Variants in PAAF1 observed in about 807,000 individuals in gnomAD.
The protein encoded by PAAF1 is proteasomal ATPase-associated factor 1.
In PAAF1, 46 loss-of-function variants were observed where a neutral mutation model predicts 52.8. That is an observed-to-expected ratio of 0.87 (90% CI 0.69 to 1.11). The LOEUF (loss-of-function observed/expected upper bound fraction) is 1.11, where lower values mean the gene tolerates loss of function less well. Among genes scored for constraint, PAAF1 ranks in the 50% most tolerant of loss-of-function variants. PAAF1 has a pLI of 0.00. For synonymous variants in PAAF1, 178 were observed against 172.8 expected, an observed-to-expected ratio of 1.03 and a Z score of -0.24; for missense variants, 424 against 477.4, an observed-to-expected ratio of 0.89 and a Z score of 1.04.
chr11:73,892,385 A>G (rs995695507), intron 4 of PAAF1, among the ~76,000 whole-genome samples: 2 of 151,910 alleles, frequency 1.3e-5, no homozygotes, highest in Non-Finnish European at 2.9e-5. Context: ...ATTACAAAAC[A>G]GATATATACT....
intron 4 of PAAF1, among the ~76,000 whole-genome samples, chr11:73,895,963 A>T (rs1356811286): frequency 6.6e-6 from 1 of 152,230 alleles, no homozygotes; most frequent in African/African-American, 2.4e-5. Context: ...TTAAAAAATT[A>T]GCTGGACATG....
At chr11:73,894,776 G>A (rs1461109954) in intron 4 of PAAF1, among the ~76,000 whole-genome samples, 1 of 152,076 alleles carries the variant, frequency 6.6e-6, no homozygotes, top group African/African-American at 2.4e-5. Context: ...GTGAGCCGAG[G>A]TTGCGCCACT....
chr11:73,913,312 A>AGGCT (rs1433802867), intron 7 of PAAF1, among the ~76,000 whole-genome samples: 3 of 152,228 alleles, frequency 2.0e-5, no homozygotes, highest in Non-Finnish European at 2.9e-5. Context: ...GTTAAAGTTT[A>AGGCT]GGCTGGACGT....
At chr11:73,924,769 C>T in intron 11 of PAAF1, 72 bp downstream of exon 11, 1 of 1,220,032 alleles carries the variant, frequency 8.2e-7, no homozygotes, top group Non-Finnish European at 1.2e-6. Flanking sequence ...AGACTGAATC[C>T]AGATACCTTG....
chr11:73,924,639 A>T lies in PAAF1; in HGVS notation c.1043A>T (p.Gln348Leu). Residue 348 changes from glutamine to leucine, a missense_variant, in exon 11 of 12, where the codon CAG becomes CTG. Gln to Leu is a moderately radical substitution (Grantham distance 113). Transcript: ENST00000310571. ...GGTGATGGAAGCTGTTTTATTGTCC[A>T]GCAAGACTTAGACTATGTCACTGAG... Reference protein sequence around the residue: ...SQGDGSCFIVQQDLDYVTELT... With the variant: ...SQGDGSCFIVLQDLDYVTELT... The T allele has an allele frequency of 6.2e-7, 1 of 1,614,010 alleles. No individual in the cohort carries two copies. Among genetic ancestry groups the T allele is most frequent in the South Asian group, 1.1e-5 (1 of 91,084 alleles).
At position 73,910,599 on chromosome 11, in the gene PAAF1, T is replaced by C. The variant is rs538731710; in HGVS notation, c.727+1006T>C. ...TAATAATAGTTGCATCTCTGTTCCA[T>C]AGGACAATGTTTTTTCTACTGTTGT... On this transcript the variant is annotated intron_variant, in intron 7 of 11. Coordinates refer to ENST00000310571, the MANE Select transcript of PAAF1 (RefSeq NM_025155.3). Among the ~76,000 whole-genome samples, 22 of 152,284 alleles carry C rather than the reference T, an allele frequency of 1.4e-4. No individual in the cohort carries two copies. The East Asian group carries it at 3.9e-3, about 27-fold the overall frequency.
intron 2 of PAAF1, among the ~76,000 whole-genome samples, chr11:73,882,615 T>C (rs546717750): frequency 1.3e-5 from 2 of 151,594 alleles, no homozygotes; most frequent in Admixed American, 1.3e-4. Context: ...CCTGGCTAAT[T>C]TTTTTGAGAC....
chr11:73,887,786 G>T (rs1422697556), intron 3 of PAAF1, among the ~76,000 whole-genome samples: 2 of 152,156 alleles, frequency 1.3e-5, no homozygotes, highest in Admixed American at 6.5e-5. Flanking sequence ...GTCTTGCTCT[G>T]TCGCCCAGGC....
chr11:73,906,337 C>G (rs971759332), intron 6 of PAAF1, among the ~76,000 whole-genome samples: 1 of 152,196 alleles, frequency 6.6e-6, no homozygotes. Context: ...ACTTCAACCT[C>G]TGCCTCTCGG....
At chr11:73,878,749 G>C in intron 1 of PAAF1, 30 bp from the exon 2 acceptor site, 1 of 1,610,882 alleles carries the variant, frequency 6.2e-7, no homozygotes, top group East Asian at 2.2e-5. Flanking sequence ...CTTTGGGTAA[G>C]CCTAATTAGG....
At chr11:73,895,924 T>C (rs997154253) in intron 4 of PAAF1, among the ~76,000 whole-genome samples, 2 of 152,144 alleles carry the variant, frequency 1.3e-5, no homozygotes, top group Non-Finnish European at 2.9e-5. Flanking sequence ...CTGGGCAACA[T>C]AGGGGGACCC....
At chr11:73,895,674 G>A (rs1225085064) in intron 4 of PAAF1, among the ~76,000 whole-genome samples, 2 of 152,182 alleles carry the variant, frequency 1.3e-5, no homozygotes, top group Non-Finnish European at 2.9e-5. Context: ...AATGTGTCTG[G>A]AATTGCATAT....
At position 73,920,929 on chromosome 11, in the gene PAAF1, G is replaced by A. The variant is rs545528793; in HGVS notation, c.1018+1897G>A. 3.3e-5 allele frequency among the ~76,000 whole-genome samples: 5 copies of A among 152,224 alleles called. No homozygotes were observed. The South Asian group carries it at 1.0e-3, about 32-fold the overall frequency. ...CGCCTGTAATCCCAGCACTTTGGGAGGCCAAGGCGGATAGATCACCTGAGG... is the reference window on the plus strand; with the variant it reads ...CGCCTGTAATCCCAGCACTTTGGGAAGCCAAGGCGGATAGATCACCTGAGG... On this transcript the variant is annotated intron_variant, in intron 10 of 11. Transcript: ENST00000310571.
At chr11:73,879,833 A>C (rs897999427) in intron 2 of PAAF1, 1 of 151,824 alleles carries the variant, frequency 6.6e-6, no homozygotes, top group African/African-American at 2.4e-5. Context: ...TGATCGAACC[A>C]TTGCACTTTT....
intron 4 of PAAF1, among the ~76,000 whole-genome samples, chr11:73,891,728 T>A (rs1160525764): frequency 2.0e-5 from 3 of 151,448 alleles, no homozygotes; most frequent in Non-Finnish European, 3.0e-5. Context: ...TGAGCTGAGA[T>A]TATGCCACTG....
intron 10 of PAAF1, among the ~76,000 whole-genome samples, chr11:73,923,794 T>A (rs1950288627): frequency 6.6e-6 from 1 of 152,186 alleles, no homozygotes; most frequent in Admixed American, 6.5e-5. Flanking sequence ...ATTTGTTTCA[T>A]TTGTCCATGC....
intron 2 of PAAF1, among the ~76,000 whole-genome samples, chr11:73,881,639 A>ATGTTGT (rs34941273): frequency 1.1e-4 from 16 of 151,876 alleles, no homozygotes; most frequent in African/African-American, 3.1e-4. Context: ...AACAAACTTA[A>ATGTTGT]TGTTGTTGTT....
At chr11:73,897,513 C>G (rs1949440268) in intron 4 of PAAF1, among the ~76,000 whole-genome samples, 1 of 151,086 alleles carries the variant, frequency 6.6e-6, no homozygotes, top group Non-Finnish European at 1.5e-5. Flanking sequence ...GACAGGGTGG[C>G]AGGGCAGAGG....
At chr11:73,895,201 A>G (rs1430838224) in intron 4 of PAAF1, among the ~76,000 whole-genome samples, 1 of 152,238 alleles carries the variant, frequency 6.6e-6, no homozygotes, top group African/African-American at 2.4e-5. Flanking sequence ...TATGAGAGAA[A>G]AGGAGGAGTT....
Sources: allele counts gnomAD v4.1 joint callset (sites outside exome capture counted in the v4.1 genomes callset), GRCh38; gene constraint gnomAD v4.1.1; transcripts MANE v1.5; gene names NCBI Gene and HGNC (gene_info 2026-07-23, HGNC 2026-07-21).